LIMS1: variants seen among roughly 807,000 people sequenced by gnomAD.
LIMS1 encodes the protein LIM zinc finger domain containing 1.
LIMS1 carries 18 observed loss-of-function variants against 44.1 expected under a neutral mutation model. That is an observed-to-expected ratio of 0.41 (90% CI 0.28 to 0.61). LIMS1 has a LOEUF of 0.61. Ranked by LOEUF, LIMS1 falls within the 20% of genes least tolerant of loss-of-function variation. The pLI is 0.32. For missense variants in LIMS1, 201 were observed against 422.0 expected (o/e 0.48, Z 4.59); for synonymous variants, 93 against 149.1 (o/e 0.62, Z 2.74).
intron 1 of LIMS1, among the ~76,000 whole-genome samples, chr2:108,644,904 T>C (rs1176314475): frequency 1.3e-5 from 2 of 151,226 alleles, no homozygotes. Flanking sequence ...ATATCAGAGA[T>C]TGAAGATCAA....
intron 1 of LIMS1, among the ~76,000 whole-genome samples, chr2:108,547,936 C>A (rs1392646745): frequency 6.6e-6 from 1 of 152,156 alleles, no homozygotes; most frequent in East Asian, 1.9e-4. Flanking sequence ...AAATGAGCAG[C>A]CTTTTGTTTT....
chr2:108,680,732 C>T (rs1692932890), exon 9 of LIMS1: 2 of 1,610,574 alleles, frequency 1.2e-6, no homozygotes, highest in South Asian at 1.1e-5. Context: ...GCGTGAACTG[C>T]TTTGCCTGTT....
chr2:108,546,004 A>G (rs1293312375), intron 1 of LIMS1, among the ~76,000 whole-genome samples: 1 of 152,230 alleles, frequency 6.6e-6, no homozygotes, highest in Non-Finnish European at 1.5e-5. Flanking sequence ...CTGATGATAC[A>G]ATCTGACAGA....
chr2:108,613,525 C>T (rs1459876958), intron 1 of LIMS1, among the ~76,000 whole-genome samples: 1 of 152,080 alleles, frequency 6.6e-6, no homozygotes, highest in Admixed American at 6.5e-5. Flanking sequence ...TGTGTCCACT[C>T]TCCTTGCTGT....
chr2:108,575,294 C>T (rs149262779), intron 1 of LIMS1, among the ~76,000 whole-genome samples: 184 of 151,986 alleles, frequency 1.2e-3, no homozygotes, highest in African/African-American at 4.2e-3. Context: ...GTTATATGCT[C>T]GTTAGAATGT....
intron 1 of LIMS1, among the ~76,000 whole-genome samples, chr2:108,611,829 G>T (rs1207170354): frequency 1.2e-5 from 1 of 80,934 alleles, no homozygotes; most frequent in African/African-American, 3.7e-5. Context: ...TGTGAACCAT[G>T]ATCTAAAATA....
intron 1 of LIMS1, among the ~76,000 whole-genome samples, chr2:108,569,391 G>A (rs540847833): frequency 6.6e-6 from 1 of 152,144 alleles, no homozygotes; most frequent in South Asian, 2.1e-4. Flanking sequence ...TTTTAGTTTT[G>A]GATTGGGAAA....
intron 1 of LIMS1, among the ~76,000 whole-genome samples, chr2:108,596,948 T>C (rs1221703653): frequency 7.5e-6 from 1 of 134,134 alleles, no homozygotes; most frequent in Non-Finnish European, 1.6e-5. Context: ...TGAGTCTTGC[T>C]CTGTTGCTGA....
chr2:108,681,565 G>GATAAATTATATGATATTAATT, intron 9 of LIMS1: 1 of 956,348 alleles, frequency 1.0e-6, no homozygotes, highest in Non-Finnish European at 1.2e-6. Context: ...TCATTTAATT[G>GATAAATTATATGATATTAATT]ATAAATTATA....
intron 1 of LIMS1, among the ~76,000 whole-genome samples, chr2:108,570,322 C>T (rs559256936): frequency 2.3e-4 from 35 of 152,106 alleles, no homozygotes; most frequent in Middle Eastern, 3.4e-3. Context: ...CCCAGCTACT[C>T]GGGTGGCTGA....
At chr2:108,540,744 ATT>A (rs1684289801) in intron 1 of LIMS1, among the ~76,000 whole-genome samples, 1 of 152,162 alleles carries the variant, frequency 6.6e-6, no homozygotes, top group African/African-American at 2.4e-5. Context: ...ACAGGACAGG[ATT>A]TGCCTAGAAG....
At chr2:108,548,429 A>T (rs777045763) in intron 1 of LIMS1, among the ~76,000 whole-genome samples, 1 of 152,200 alleles carries the variant, frequency 6.6e-6, no homozygotes, top group Non-Finnish European at 1.5e-5. Flanking sequence ...TCGTAATGGA[A>T]TGTTTTAACC....
chr2:108,621,260 G>C (rs1199509458), intron 1 of LIMS1: 2 of 1,519,920 alleles, frequency 1.3e-6, no homozygotes, highest in Non-Finnish European at 1.8e-6. Flanking sequence ...CAGGTGTGCT[G>C]AGGTCCCTCG....
At chr2:108,533,943 C>T (rs542929890), upstream of LIMS1, 15 of 153,080 alleles carry the variant, frequency 9.8e-5, no homozygotes, top group African/African-American at 2.9e-4. Flanking sequence ...CACAGAGCCC[C>T]CTCAGGCGTC....
intron 1 of LIMS1, among the ~76,000 whole-genome samples, chr2:108,591,791 T>G (rs1018623317): frequency 1.1e-5 from 1 of 92,742 alleles, no homozygotes; most frequent in Admixed American, 1.3e-4. Flanking sequence ...TGTTTTTAGT[T>G]TTTTTTTTTG....
chr2:108,584,625 G>A (rs1240264292), intron 1 of LIMS1, among the ~76,000 whole-genome samples: 2 of 152,082 alleles, frequency 1.3e-5, no homozygotes, highest in African/African-American at 4.8e-5. Flanking sequence ...TGTATAACGG[G>A]ATCCCTGAGG....
In LIMS1 at chr2:108,633,077, T is replaced by C. The variant is rs57693517; in HGVS notation, c.33-26528T>C. Among the ~76,000 whole-genome samples the C allele has an allele frequency of 3.4e-3, 511 of 152,352 alleles. 3 individuals are homozygous for C. Among genetic ancestry groups the C allele is most frequent in the African/African-American group, 0.012 (482 of 41,590 alleles). On this transcript the variant is annotated intron_variant, in intron 1 of 9. Transcript: ENST00000544547. ...CTGCTCTGCTCTGAAATAGAACATT[T>C]AATGTTCATCATGACGGCAGTGGAA...
At chr2:108,662,118 T>C in intron 2 of LIMS1, 1 of 1,602,460 alleles carries the variant, frequency 6.2e-7, no homozygotes, top group Non-Finnish European at 8.5e-7. Flanking sequence ...AAAGACAGGC[T>C]TTGTTTTTCC....
At chr2:108,572,144 CT>C (rs967532582) in intron 1 of LIMS1, among the ~76,000 whole-genome samples, 20 of 147,312 alleles carry the variant, frequency 1.4e-4, no homozygotes, top group East Asian at 2.0e-4. Flanking sequence ...AGGGACTGGG[CT>C]TTTTTTTTTA....
Sources: allele counts gnomAD v4.1 joint callset (sites outside exome capture counted in the v4.1 genomes callset), GRCh38; gene constraint gnomAD v4.1.1; transcripts MANE v1.5; gene names NCBI Gene and HGNC (gene_info 2026-07-23, HGNC 2026-07-21).